The following GABRG3 variants were observed in gnomAD, a reference collection of about 807,000 sequenced individuals.
GABRG3 encodes the protein gamma-aminobutyric acid type A receptor subunit gamma3.
Under a neutral mutation model 48.8 loss-of-function variants are expected in GABRG3, and 25 were observed. The observed-to-expected ratio is 0.51, with a 90% confidence interval of 0.37 to 0.72. The LOEUF (loss-of-function observed/expected upper bound fraction) is 0.72. GABRG3 is among the 30% of genes least tolerant of loss of function. The probability of loss-of-function intolerance (pLI) is 0.00; values close to 1 mark genes in which losing one functional copy is unlikely to be tolerated. For synonymous variants in GABRG3, 227 were observed against 217.6 expected, an observed-to-expected ratio of 1.04 and a Z score of -0.38; for missense variants, 394 against 577.9, an observed-to-expected ratio of 0.68 and a Z score of 3.26.
chr15:27,053,699 A>G (rs1896492178), intron 3 of GABRG3, among the ~76,000 whole-genome samples: 1 of 152,234 alleles, frequency 6.6e-6, no homozygotes, highest in South Asian at 2.1e-4. Context: ...ACTATTCACA[A>G]TAGCAAAGAC....
At chr15:26,997,022 C>T (rs750385529) in intron 2 of GABRG3, among the ~76,000 whole-genome samples, 163 of 152,208 alleles carry the variant, frequency 1.1e-3, no homozygotes, top group Non-Finnish European at 1.9e-3. Flanking sequence ...TCCTTTTTCT[C>T]TGTGTTTCAG....
intron 6 of GABRG3, among the ~76,000 whole-genome samples, chr15:27,501,240 C>A (rs112744273): frequency 1.3e-5 from 2 of 152,116 alleles, no homozygotes; most frequent in Non-Finnish European, 2.9e-5. Context: ...CGTGAGCCAC[C>A]GTGCCCGGCC....
At chr15:27,147,014 A>G (rs1663985429) in intron 3 of GABRG3, among the ~76,000 whole-genome samples, 1 of 152,086 alleles carries the variant, frequency 6.6e-6, no homozygotes, top group Non-Finnish European at 1.5e-5. Context: ...TTTAAAAAAT[A>G]TGACCCATAT....
intron 3 of GABRG3, among the ~76,000 whole-genome samples, chr15:27,205,867 A>G (rs1445725715): frequency 6.6e-6 from 1 of 152,066 alleles, no homozygotes; most frequent in African/African-American, 2.4e-5. Flanking sequence ...AGAGGTGTTC[A>G]TAACAGACTC....
chr15:27,326,685 CAGA>C, intron 3 of GABRG3, 121 bp from the exon 4 acceptor site: 1 of 732,720 alleles, frequency 1.4e-6, no homozygotes, highest in Non-Finnish European at 2.3e-6. Context: ...CAGTCTCTAT[CAGA>C]AAGAGAATTG....
chr15:27,320,934 C>T (rs1410885042), intron 3 of GABRG3, among the ~76,000 whole-genome samples: 1 of 152,220 alleles, frequency 6.6e-6, no homozygotes, highest in African/African-American at 2.4e-5. Flanking sequence ...GACATGGCCT[C>T]CTCAGGGGAG....
At chr15:27,313,307 T>TATATATATAC (rs1260635523) in intron 3 of GABRG3, among the ~76,000 whole-genome samples, 21 of 98,958 alleles carry the variant, frequency 2.1e-4, no homozygotes, top group East Asian at 1.8e-3. Flanking sequence ...TATATATATA[T>TATATATATAC]ATACCCAACA....
chr15:27,393,477 T>C (rs1033195543), intron 5 of GABRG3, among the ~76,000 whole-genome samples: 1 of 152,192 alleles, frequency 6.6e-6, no homozygotes, highest in East Asian at 1.9e-4. Context: ...GTGTTTATAA[T>C]GACCATATAC....
At chr15:27,252,602 G>A (rs188005609) in intron 3 of GABRG3, among the ~76,000 whole-genome samples, 1 of 152,318 alleles carries the variant, frequency 6.6e-6, no homozygotes, top group Admixed American at 6.5e-5. Context: ...TCAGGTTTCT[G>A]AATTACAGCA....
intron 2 of GABRG3, among the ~76,000 whole-genome samples, chr15:26,978,836 A>G (rs1418067570): frequency 6.6e-6 from 1 of 152,206 alleles, no homozygotes. Context: ...TTCAATATAC[A>G]TTTTAGAATA....
At chr15:27,207,891 G>A (rs944902914) in intron 3 of GABRG3, among the ~76,000 whole-genome samples, 2 of 152,174 alleles carry the variant, frequency 1.3e-5, no homozygotes, top group Admixed American at 6.5e-5. Context: ...GACATCATAA[G>A]TTACAGAAAC....
At chr15:27,162,074 T>C (rs1280288137) in intron 3 of GABRG3, among the ~76,000 whole-genome samples, 1 of 152,174 alleles carries the variant, frequency 6.6e-6, no homozygotes, top group Non-Finnish European at 1.5e-5. Context: ...ATAATGATTC[T>C]CTAAGACTGT....
chr15:26,979,477 G>A (rs1895012898), intron 2 of GABRG3, among the ~76,000 whole-genome samples: 1 of 152,032 alleles, frequency 6.6e-6, no homozygotes, highest in African/African-American at 2.4e-5. Flanking sequence ...TTAGCTGGAG[G>A]TATTTTGTAC....
At chr15:27,131,905 A>T (rs1000634560) in intron 3 of GABRG3, among the ~76,000 whole-genome samples, 1 of 152,032 alleles carries the variant, frequency 6.6e-6, no homozygotes, top group Non-Finnish European at 1.5e-5. Flanking sequence ...TTTTAAAAAT[A>T]TATATTTGGC....
In GABRG3 at chr15:27,180,569, C is replaced by T. The variant is rs1887897454; in HGVS notation, c.271-146240C>T. Among the ~76,000 whole-genome samples, 1 of 152,110 alleles carries T rather than the reference C, an allele frequency of 6.6e-6. No individual in the cohort carries two copies. Among genetic ancestry groups the T allele is most frequent in the South Asian group, 2.1e-4 (1 of 4,826 alleles). On this transcript the variant is annotated intron_variant, in intron 3 of 9. Coordinates refer to ENST00000615808, the MANE Select transcript of GABRG3 (RefSeq NM_033223.5). The surrounding 1 kb of genome is among the most constrained non-coding windows in gnomAD (Gnocchi z 4.2). Reference sequence around the variant, plus strand: ...CAACTCATCGCTCTAACCATGTCATCCTGATTCACTCAACTTTACCCCAAC... The same window carrying T: ...CAACTCATCGCTCTAACCATGTCATTCTGATTCACTCAACTTTACCCCAAC...
At chr15:27,139,562 A>G (rs990236933) in intron 3 of GABRG3, among the ~76,000 whole-genome samples, 3 of 152,188 alleles carry the variant, frequency 2.0e-5, no homozygotes, top group Admixed American at 6.5e-5. Flanking sequence ...CAGTAATCCA[A>G]TCAAGTTGAC....
chr15:27,336,481 C>A (rs1407340854), intron 5 of GABRG3, among the ~76,000 whole-genome samples: 1 of 152,162 alleles, frequency 6.6e-6, no homozygotes, highest in Non-Finnish European at 1.5e-5. Flanking sequence ...AGTAAGCTAT[C>A]ACTACATACC....
intron 3 of GABRG3, among the ~76,000 whole-genome samples, chr15:27,175,185 G>C (rs1413519735): frequency 1.3e-5 from 2 of 152,136 alleles, no homozygotes; most frequent in Non-Finnish European, 2.9e-5. Context: ...CTTCTGCCCT[G>C]CTCGAGGAAG....
intron 3 of GABRG3, among the ~76,000 whole-genome samples, chr15:27,213,797 T>G (rs1017027255): frequency 5.3e-5 from 8 of 152,248 alleles, no homozygotes; most frequent in African/African-American, 1.9e-4. Context: ...ACCACTGTAC[T>G]GGCCTTCAAA....
Sources: allele counts gnomAD v4.1 joint callset (sites outside exome capture counted in the v4.1 genomes callset), GRCh38; gene constraint gnomAD v4.1.1; non-coding constraint Gnocchi (gnomAD v3.1); transcripts MANE v1.5; gene names NCBI Gene and HGNC (gene_info 2026-07-23, HGNC 2026-07-21).